MYLK: variants seen among roughly 807,000 people sequenced by gnomAD.
The protein encoded by MYLK is myosin light chain kinase, also known as myosin light chain kinase, smooth muscle.
MYLK carries 106 observed loss-of-function variants against 203.4 expected under a neutral mutation model. That is an observed-to-expected ratio of 0.52 (90% CI 0.45 to 0.61). MYLK has a LOEUF of 0.61. Ranked by LOEUF, MYLK falls within the 20% of genes least tolerant of loss-of-function variation. The probability of loss-of-function intolerance (pLI) is 0.00; values close to 1 mark genes in which losing one functional copy is unlikely to be tolerated. For missense variants in MYLK, 2,072 were observed against 2,442.3 expected (o/e 0.85, Z 3.20); for synonymous variants, 867 against 959.5 (o/e 0.90, Z 1.78).
rs370422606 is a variant in MYLK at position 123,831,027 on chromosome 3, C to T, written c.-4+521G>A. ...CAGGTTATGGATAGTGTTCTGGCAG[C>T]TGCTCAGTCCCACAGAACTAGCTAT... On this transcript the variant is annotated intron_variant, in intron 3 of 33. Coordinates refer to ENST00000360304, the MANE Select transcript of MYLK (RefSeq NM_053025.4). Among the ~76,000 whole-genome samples the T allele has an allele frequency of 2.7e-4, 41 of 152,188 alleles. 2 individuals carry two copies. The highest frequency in any genetic ancestry group is 2.0e-3 in the Admixed American group (30 of 15,278).
At chr3:123,663,138 C>T (rs910326308) in intron 23 of MYLK, among the ~76,000 whole-genome samples, 3 of 152,122 alleles carry the variant, frequency 2.0e-5, no homozygotes, top group Non-Finnish European at 4.4e-5. Flanking sequence ...ACCTGCCACA[C>T]GGGGAACAAC....
At chr3:123,861,490 C>T (rs1399533492) in intron 2 of MYLK, among the ~76,000 whole-genome samples, 1 of 152,246 alleles carries the variant, frequency 6.6e-6, no homozygotes, top group Non-Finnish European at 1.5e-5. Context: ...TCAGTTATTA[C>T]TGTTGGAAGG....
At chr3:123,663,096 C>G (rs1229480172) in intron 23 of MYLK, among the ~76,000 whole-genome samples, 1 of 152,210 alleles carries the variant, frequency 6.6e-6, no homozygotes, top group African/African-American at 2.4e-5. Flanking sequence ...CTGTCTGCTC[C>G]TCTGCCTGCT....
chr3:123,633,409 G>A (rs1291211298), intron 29 of MYLK, among the ~76,000 whole-genome samples: 1 of 152,188 alleles, frequency 6.6e-6, no homozygotes, highest in African/African-American at 2.4e-5. Flanking sequence ...GTATAAGCAT[G>A]AGCCACTGCG....
chr3:123,767,111 C>T (rs2063730200), intron 4 of MYLK, among the ~76,000 whole-genome samples: 1 of 152,190 alleles, frequency 6.6e-6, no homozygotes, highest in Non-Finnish European at 1.5e-5. Context: ...TCCTTTCCTC[C>T]TCCCGCCAGT....
chr3:123,854,035 C>T (rs1464869395), intron 2 of MYLK, among the ~76,000 whole-genome samples: 1 of 151,574 alleles, frequency 6.6e-6, no homozygotes, highest in East Asian at 1.9e-4. Context: ...CCCAAGGTAG[C>T]CTGCTGGAAG....
chr3:123,770,444 C>T (rs1159131525), intron 4 of MYLK, among the ~76,000 whole-genome samples: 1 of 152,170 alleles, frequency 6.6e-6, no homozygotes, highest in Non-Finnish European at 1.5e-5. Flanking sequence ...TTGAAAGGAG[C>T]CGAGCATGAG....
intron 9 of MYLK, chr3:123,735,015 C>T (rs1027648634): frequency 1.5e-5 from 5 of 340,154 alleles, no homozygotes; most frequent in South Asian, 7.7e-5. Flanking sequence ...CAGCATCTAG[C>T]GCCGAGCCTC....
intron 16 of MYLK, among the ~76,000 whole-genome samples, chr3:123,706,140 T>TGA (rs2108624190): frequency 6.6e-6 from 1 of 152,308 alleles, no homozygotes; most frequent in South Asian, 2.1e-4. Flanking sequence ...TGAGCTCAGC[T>TGA]GAGATTAGCC....
intron 13 of MYLK, among the ~76,000 whole-genome samples, chr3:123,720,779 G>A (rs576754994): frequency 2.3e-4 from 35 of 152,286 alleles, no homozygotes; most frequent in Admixed American, 5.9e-4. Context: ...GCTCACTCCC[G>A]GCAGAGAGCT....
rs769834625 is a variant in MYLK, at chr3:123,648,958, C to G, written c.4415+13G>C. On this transcript the variant is annotated intron_variant, in intron 26 of 33. Coordinates refer to ENST00000360304, the MANE Select transcript of MYLK (RefSeq NM_053025.4). The surrounding 1 kb of genome is among the most constrained non-coding windows in gnomAD (Gnocchi z 4.5). ...ACCCTGGGAGCCCAGAGGCAACTTC[C>G]CACTCCACTTACGATCCTAATCTCT... is the stretch of plus-strand genomic sequence containing the variant. The G allele has an allele frequency of 1.2e-6, 2 of 1,613,282 alleles. No individual in the cohort carries two copies. Among genetic ancestry groups the G allele is most frequent in the Non-Finnish European group, 1.7e-6 (2 of 1,179,318 alleles).
At position 123,701,436 on chromosome 3, in the gene MYLK, A is replaced by G. The variant is rs780666102; in HGVS notation, c.2462+2T>C. The G allele has an allele frequency of 6.2e-7, 1 of 1,613,900 alleles. No homozygotes were observed. Among genetic ancestry groups the G allele is most frequent in the Non-Finnish European group, 8.5e-7 (1 of 1,179,974 alleles). On this transcript the variant is annotated splice_donor_variant, in intron 17 of 33. Coordinates refer to ENST00000360304, the MANE Select transcript of MYLK (RefSeq NM_053025.4). LOFTEE classifies it high-confidence loss of function. ...GGAGGGGCAGCTCCTGGGGGCACTC[A>G]CCGTGGAAGGGCTCTGGCAGAGCTG...
intron 4 of MYLK, among the ~76,000 whole-genome samples, chr3:123,785,661 G>A (rs184775182): frequency 2.6e-5 from 4 of 152,336 alleles, no homozygotes; most frequent in African/African-American, 9.6e-5. Flanking sequence ...GTGATATACA[G>A]TATGGGAAGT....
chr3:123,719,376 C>T lies in MYLK; in HGVS notation c.1804+2752G>A, dbSNP rs1424055444. On this transcript the variant is annotated intron_variant, in intron 13 of 33. Transcript: ENST00000360304. ...GGCTGGACACCTCCCTCCTCTGATT[C>T]TCTGATGGCCAAACAAACACACAAT... is the stretch of plus-strand genomic sequence containing the variant. Among the ~76,000 whole-genome samples, 9 of 152,158 alleles carry T rather than the reference C, an allele frequency of 5.9e-5. No homozygotes were observed. In the South Asian group the frequency reaches 6.2e-4, roughly 11 times the overall value.
chr3:123,657,782 C>A (rs902487226), intron 23 of MYLK, among the ~76,000 whole-genome samples: 1 of 152,166 alleles, frequency 6.6e-6, no homozygotes, highest in Non-Finnish European at 1.5e-5. Flanking sequence ...TATTTCCTAT[C>A]GAAAACATGT....
chr3:123,835,426 C>A (rs1055517503), intron 2 of MYLK, among the ~76,000 whole-genome samples: 21 of 152,088 alleles, frequency 1.4e-4, no homozygotes, highest in Non-Finnish European at 2.6e-4. Context: ...GGCAACTGAT[C>A]AGGGGTGGAA....
intron 2 of MYLK, among the ~76,000 whole-genome samples, chr3:123,851,146 C>T (rs1383628988): frequency 4.6e-5 from 7 of 152,024 alleles, no homozygotes; most frequent in Non-Finnish European, 7.4e-5. Flanking sequence ...TGGTTACTGT[C>T]GCCTTGTAGT....
At position 123,677,918 on chromosome 3, in the gene MYLK, T is replaced by TATACACAC. The variant is rs1273803739; in HGVS notation, c.3652+4305_3652+4306insGTGTGTAT. Among the ~76,000 whole-genome samples the TATACACAC allele has an allele frequency of 5.1e-5, 4 of 78,888 alleles. 1 individual carries two copies. The highest frequency in any genetic ancestry group is 5.6e-4 in the South Asian group (1 of 1,770). 51.8% of individuals were successfully genotyped at this position (78,888 alleles called of 152,430 possible). ...ATATATATATATATATATATATATA[T>TATACACAC]ACACACACACACACACAGAGTACAT... On this transcript the variant is annotated intron_variant, in intron 20 of 33. Coordinates refer to ENST00000360304, the MANE Select transcript of MYLK (RefSeq NM_053025.4).
At chr3:123,735,516 C>G in intron 8 of MYLK, 100 bp from the exon 9 acceptor site, 1 of 1,367,814 alleles carries the variant, frequency 7.3e-7, no homozygotes, top group Admixed American at 1.7e-5. Flanking sequence ...TCCCACCCTG[C>G]TGGCTCCTTC....
Sources: gnomAD v4.1 joint callset for allele counts (sites outside exome capture counted in the v4.1 genomes callset) on GRCh38, gnomAD v4.1.1 for gene constraint, Gnocchi (gnomAD v3.1) non-coding constraint, MANE v1.5 for transcripts, NCBI Gene and HGNC (gene_info 2026-07-23, HGNC 2026-07-21) for gene names.